EPAS1: variants seen among roughly 807,000 people sequenced by gnomAD.
The protein encoded by EPAS1 is endothelial PAS domain-containing protein 1.
EPAS1 carries 23 observed loss-of-function variants against 87.9 expected under a neutral mutation model. The ratio of observed to expected loss-of-function variants is 0.26; its 90% CI spans 0.19 to 0.37. EPAS1 has a LOEUF of 0.37. EPAS1 is among the 10% of genes least tolerant of loss of function. The pLI is 1.00. For synonymous variants in EPAS1, 508 were observed against 444.3 expected, an observed-to-expected ratio of 1.14 and a Z score of -1.80; for missense variants, 1,138 against 1,120.7, an observed-to-expected ratio of 1.02 and a Z score of -0.22.
At chr2:46,299,468 G>A (rs1682953166) in intron 1 of EPAS1, among the ~76,000 whole-genome samples, 1 of 152,234 alleles carries the variant, frequency 6.6e-6, no homozygotes, top group Admixed American at 6.5e-5. Context: ...AGGCAGCAGA[G>A]CAAGGAAAAG....
intron 1 of EPAS1, among the ~76,000 whole-genome samples, chr2:46,340,999 C>T (rs1683900803): frequency 6.6e-6 from 1 of 152,190 alleles, no homozygotes; most frequent in Admixed American, 6.5e-5. Context: ...TGATTATAGG[C>T]ATGAGTCACT....
At position 46,347,178 on chromosome 2, in the gene EPAS1, C is replaced by A; in HGVS notation, c.217+115C>A. 8.8e-7 allele frequency: 1 copy of A among 1,142,030 alleles called. No homozygotes were observed. Among genetic ancestry groups the A allele is most frequent in the South Asian group, 1.2e-5 (1 of 80,308 alleles). 70.7% of individuals were successfully genotyped at this position (1,142,030 alleles called of 1,614,324 possible). On this transcript the variant is annotated intron_variant, in intron 2 of 15. Coordinates refer to ENST00000263734, the MANE Select transcript of EPAS1 (RefSeq NM_001430.5). The surrounding 1 kb of genome is among the most constrained non-coding windows in gnomAD (Gnocchi z 4.2). ...GAAAGTCACCCCACTACAGAACTTTCACCCACAGAAACACCATCATGAGTG... is the reference window on the plus strand; with the variant it reads ...GAAAGTCACCCCACTACAGAACTTTAACCCACAGAAACACCATCATGAGTG...
At chr2:46,361,714 T>C (rs928487310) in intron 6 of EPAS1, among the ~76,000 whole-genome samples, 1 of 152,226 alleles carries the variant, frequency 6.6e-6, no homozygotes. Flanking sequence ...TAGTAATAAA[T>C]GTTCAGTGTT....
intron 6 of EPAS1, among the ~76,000 whole-genome samples, chr2:46,363,952 G>A (rs1334649193): frequency 6.6e-6 from 1 of 152,204 alleles, no homozygotes; most frequent in African/African-American, 2.4e-5. Flanking sequence ...TTAGACAGTT[G>A]ATGAAGTGAC....
chr2:46,299,388 G>T (rs1349251799), intron 1 of EPAS1, among the ~76,000 whole-genome samples: 3 of 152,184 alleles, frequency 2.0e-5, no homozygotes, highest in Non-Finnish European at 4.4e-5. Context: ...GACAAGTGAG[G>T]GAGCCCTGAG....
chr2:46,297,974 G>A (rs747121968), intron 1 of EPAS1, 37 bp downstream of exon 1: 1 of 1,608,950 alleles, frequency 6.2e-7, no homozygotes, highest in Non-Finnish European at 8.5e-7. Flanking sequence ...GGGCCGGTCC[G>A]AGGCCAGGGC....
chr2:46,312,851 C>G, intron 1 of EPAS1, among the ~76,000 whole-genome samples: 1 of 152,174 alleles, frequency 6.6e-6, no homozygotes, highest in African/African-American at 2.4e-5. Context: ...CTACATCTGG[C>G]CTGTTTTTCC....
At chr2:46,378,925 A>G (rs1684820164) in intron 11 of EPAS1, among the ~76,000 whole-genome samples, 158 bp downstream of exon 11, 1 of 152,206 alleles carries the variant, frequency 6.6e-6, no homozygotes, top group South Asian at 2.1e-4. Context: ...GTACAGGGTA[A>G]TGGAGCCTGT....
chr2:46,333,355 G>T (rs1169961309), intron 1 of EPAS1, among the ~76,000 whole-genome samples: 1 of 152,166 alleles, frequency 6.6e-6, no homozygotes, highest in Non-Finnish European at 1.5e-5. Flanking sequence ...CTTAAAACTA[G>T]GACTAACAAG....
intron 7 of EPAS1, among the ~76,000 whole-genome samples, chr2:46,373,594 A>G (rs1484362057): frequency 6.6e-6 from 1 of 152,228 alleles, no homozygotes; most frequent in African/African-American, 2.4e-5. Flanking sequence ...ATATAGTGGC[A>G]AAAAGCAGAA....
chr2:46,357,764 G>A (rs776987729), intron 4 of EPAS1, among the ~76,000 whole-genome samples: 4 of 152,342 alleles, frequency 2.6e-5, no homozygotes, highest in Middle Eastern at 3.4e-3. Context: ...GTAGCATTCA[G>A]GACCTTACCC....
chr2:46,332,332 G>GTGTGTC (rs146630883), intron 1 of EPAS1, among the ~76,000 whole-genome samples: 1 of 142,116 alleles, frequency 7.0e-6, no homozygotes, highest in Non-Finnish European at 1.5e-5. Context: ...GTGTGTGTGT[G>GTGTGTC]TATCAACTTG....
chr2:46,321,463 C>G (rs1400267444), intron 1 of EPAS1, among the ~76,000 whole-genome samples: 1 of 152,148 alleles, frequency 6.6e-6, no homozygotes, highest in Non-Finnish European at 1.5e-5. Flanking sequence ...TCCATAGCAG[C>G]CATACCATTG....
intron 2 of EPAS1, among the ~76,000 whole-genome samples, chr2:46,348,090 G>A (rs1447070220): frequency 6.6e-6 from 1 of 152,190 alleles, no homozygotes; most frequent in African/African-American, 2.4e-5. Flanking sequence ...TGTGAGGCTG[G>A]GAGGCCAGAC....
chr2:46,374,449 T>G (rs1684689593), intron 7 of EPAS1, among the ~76,000 whole-genome samples: 1 of 152,230 alleles, frequency 6.6e-6, no homozygotes. Context: ...CTTATGTACC[T>G]GATAAGCCAT....
rs562188576 is a variant in EPAS1 at position 46,363,790 on chromosome 2, C to T, written c.779+2700C>T. ...ACACTGCATTTTCAGCAAAATCTTG[C>T]CTTTCAAGAAACCTAATTACATGGC... On this transcript the variant is annotated intron_variant, in intron 6 of 15. Transcript: ENST00000263734. Among the ~76,000 whole-genome samples the T allele has an allele frequency of 2.0e-5, 3 of 152,186 alleles. No individual in the cohort carries two copies. In the South Asian group the frequency reaches 6.2e-4, roughly 32 times the overall value.
In EPAS1 at chr2:46,360,034, G is replaced by A. The variant is rs1156947659; in HGVS notation, c.455-604G>A. Among the ~76,000 whole-genome samples, 5 of 152,154 alleles carry A rather than the reference G, an allele frequency of 3.3e-5. No individual in the cohort carries two copies. The highest frequency in any genetic ancestry group is 7.3e-5 in the Non-Finnish European group (5 of 68,038). On this transcript the variant is annotated intron_variant, in intron 4 of 15. Coordinates refer to ENST00000263734, the MANE Select transcript of EPAS1 (RefSeq NM_001430.5). The surrounding 1 kb of genome is among the most constrained non-coding windows in gnomAD (Gnocchi z 4.5). ...CACCAAGTCCACTGTAAGGAGATTC[G>A]TACCAGAGTTCTCTCTAGAGCCTTG... is the stretch of plus-strand genomic sequence containing the variant.
At chr2:46,357,162 A>G (rs1684285946) in intron 4 of EPAS1, among the ~76,000 whole-genome samples, 1 of 152,206 alleles carries the variant, frequency 6.6e-6, no homozygotes, top group Admixed American at 6.5e-5. Context: ...GCTCATAGTA[A>G]CTACTGTAGT....
rs1236229465 is a variant in EPAS1 at position 46,375,797 on chromosome 2, C to G, written c.994C>G (p.Leu332Val). Reference sequence around the variant, plus strand: ...GACGGTCATCTACAACCCTCGCAACCTGCAGCCCCAGTGCATCATGTGTGT... The same window carrying G: ...GACGGTCATCTACAACCCTCGCAACGTGCAGCCCCAGTGCATCATGTGTGT... ...QGTVIYNPRN[L>V]QPQCIMCVNY... The change falls in exon 8 of 16, where the codon CTG becomes GTG. Residue 332 changes from leucine (L) to valine (V), a missense_variant. Physicochemically the swap from Leu to Val is conservative, Grantham distance 32. This residue lies in a region of EPAS1 where 284 missense variants were observed against 258.4 expected (regional missense o/e 1.10). Transcript: ENST00000263734. The surrounding 1 kb of genome is among the most constrained non-coding windows in gnomAD (Gnocchi z 4.1). 3.1e-6 allele frequency: 5 copies of G among 1,614,120 alleles called. No individual in the cohort carries two copies. The South Asian group carries it at 3.3e-5, about 11-fold the overall frequency.
Sources: allele counts gnomAD v4.1 joint callset (sites outside exome capture counted in the v4.1 genomes callset), GRCh38; gene constraint gnomAD v4.1.1; regional missense constraint gnomAD v4.1.1; non-coding constraint Gnocchi (gnomAD v3.1); transcripts MANE v1.5; gene names NCBI Gene and HGNC (gene_info 2026-07-23, HGNC 2026-07-21).